Variants in SLC38A2 observed in about 807,000 individuals in gnomAD.
The protein encoded by SLC38A2 is solute carrier family 38 member 2, also known as sodium-coupled neutral amino acid symporter 2.
In SLC38A2, 11 loss-of-function variants were observed where a neutral mutation model predicts 61.5. The ratio of observed to expected loss-of-function variants is 0.18; its 90% confidence interval spans 0.11 to 0.30. The LOEUF (loss-of-function observed/expected upper bound fraction) is 0.30. Among genes scored for constraint, SLC38A2 ranks in the 10% least tolerant of loss-of-function variants. SLC38A2 has a pLI of 1.00. For missense variants in SLC38A2, 522 were observed against 600.4 expected (o/e 0.87, Z 1.36); for synonymous variants, 217 against 212.5 (o/e 1.02, Z -0.18).
rs932482588 is a variant in SLC38A2 at position 46,371,000 on chromosome 12, G to A, written c.117-143C>T. 3 of 833,256 alleles carry A rather than the reference G, an allele frequency of 3.6e-6. No individual in the cohort carries two copies. In the African/African-American group the frequency reaches 5.2e-5, roughly 14 times the overall value. 51.6% of individuals were successfully genotyped at this position (833,256 alleles called of 1,614,324 possible). A position where few individuals can be genotyped will look rare whatever the true frequency, so the allele number is the denominator to read the frequency against. ...CTTAATGTATAAATATTAACTAGGA[G>A]TTGACTTTCACACCAGCTATCTTGT... On this transcript the variant is annotated intron_variant, in intron 2 of 15. Coordinates refer to ENST00000256689, the MANE Select transcript of SLC38A2 (RefSeq NM_018976.5).
At chr12:46,362,835 G>T in intron 13 of SLC38A2, 186 bp downstream of exon 13, 1 of 952,584 alleles carries the variant, frequency 1.0e-6, no homozygotes, top group Non-Finnish European at 1.5e-6. Flanking sequence ...TATATCTTAT[G>T]GTGAAAAAAA....
At position 46,363,759 on chromosome 12, in the gene SLC38A2, G is replaced by A. The variant is rs1365277586; in HGVS notation, c.1021C>T (p.Leu341Phe). The change falls in exon 12 of 16, where the codon CTT (leucine) becomes TTT (phenylalanine). Residue 341 changes from leucine to phenylalanine, a missense_variant. Physicochemically the swap from Leu to Phe is conservative, Grantham distance 22 (BLOSUM62 0). Around this residue, in one of 3 missense-constraint regions of SLC38A2, gnomAD observed 309 missense variants for 343.9 expected, o/e 0.90. Coordinates refer to ENST00000256689, the MANE Select transcript of SLC38A2 (RefSeq NM_018976.5). Reference protein sequence around the residue: ...SFFAMFLMYLLAALFGYLTFY... With the variant: ...SFFAMFLMYLFAALFGYLTFY... ...GTTAGGTATCCAAAGAGGGCGGCAA[G>A]CAGATACATGAGAAACATAGCAAAA... 49 of 1,593,894 alleles carry A rather than the reference G, an allele frequency of 3.1e-5. No homozygotes were observed. Among genetic ancestry groups the A allele is most frequent in the Non-Finnish European group, 4.1e-5 (48 of 1,173,848 alleles).
Position 46,364,992 on chromosome 12 carries a change from G to A in SLC38A2, c.646+115C>T, listed in dbSNP as rs1592204339. On this transcript the variant is annotated intron_variant, in intron 8 of 15. Coordinates refer to ENST00000256689, the MANE Select transcript of SLC38A2 (RefSeq NM_018976.5). ...AATTTTGCATGCTGTAAGTCCCAAA[G>A]ATATACCTTTCTACTTTCTAGGGCT... 3 of 1,010,370 alleles carry A rather than the reference G, an allele frequency of 3.0e-6. 1 individual carries two copies. The allele number at this position is 1,010,370 out of a possible 1,614,324, so 62.6% of individuals were successfully genotyped here. A position where few individuals can be genotyped will look rare whatever the true frequency, so the allele number is the denominator to read the frequency against.
Position 46,364,482 on chromosome 12 carries a change from G to A in SLC38A2, c.780C>T (p.Thr260=). Residue 260 remains threonine, a synonymous_variant, in exon 10 of 16, where the codon ACC becomes ACT. Transcript: ENST00000256689. ...GTACAAGAGCTGTTGGCTGTGTTAA[G>A]GTGGTGTTTATTGTTTCGTTAATTA... ...ALIINETINT[T]LTQPTALVPA... is the part of the protein sequence containing the mutation. 1 of 1,612,966 alleles carries A rather than the reference G, an allele frequency of 6.2e-7. No individual in the cohort carries two copies. The highest frequency in any genetic ancestry group is 8.5e-7 in the Non-Finnish European group (1 of 1,179,410).
intron 1 of SLC38A2, chr12:46,372,188 T>G (rs79925032): frequency 7.8e-5 from 12 of 153,084 alleles, no homozygotes; most frequent in African/African-American, 2.9e-4. Flanking sequence ...TTTTTTTTTT[T>G]ATTAAATGCA....
Position 46,371,340 on chromosome 12 carries a change from T to C in SLC38A2, c.-47A>G. 1 of 1,511,382 alleles carries C rather than the reference T, an allele frequency of 6.6e-7. No homozygotes were observed. The highest frequency in any genetic ancestry group is 9.2e-7 in the Non-Finnish European group (1 of 1,088,000). 93.6% of individuals were successfully genotyped at this position (1,511,382 alleles called of 1,614,324 possible). A position where few individuals can be genotyped will look rare whatever the true frequency, so the allele number is the denominator to read the frequency against. On this transcript the variant is annotated 5_prime_UTR_variant, in exon 2 of 16. Transcript: ENST00000256689. ...GGTGCAGCTAGTAGCGCTGGGCTCCTTTTGTCCTTGGCGGTGGGTGCAGCG... is the reference window on the plus strand; with the variant it reads ...GGTGCAGCTAGTAGCGCTGGGCTCCCTTTGTCCTTGGCGGTGGGTGCAGCG...
At chr12:46,366,840 T>C (rs1214002176) in intron 7 of SLC38A2, 24 bp downstream of exon 7, 6 of 1,582,642 alleles carry the variant, frequency 3.8e-6, no homozygotes, top group Non-Finnish European at 5.1e-6. Flanking sequence ...TTGTTTCTTA[T>C]GAGTAACCTT....
intron 1 of SLC38A2, chr12:46,372,247 C>T (rs1156390817): frequency 1.2e-5 from 2 of 160,300 alleles, no homozygotes; most frequent in Non-Finnish European, 2.7e-5. Context: ...GGGCTAGCTC[C>T]CCTCCCCCTA....
chr12:46,365,003 C>T (rs1943124784), intron 8 of SLC38A2, 104 bp downstream of exon 8: 5 of 1,106,272 alleles, frequency 4.5e-6, no homozygotes, highest in South Asian at 1.4e-5. Flanking sequence ...ATATACCTTT[C>T]TACTTTCTAG....
chr12:46,366,680 T>C (rs1943141495), intron 7 of SLC38A2, among the ~76,000 whole-genome samples, 184 bp downstream of exon 7: 1 of 152,190 alleles, frequency 6.6e-6, no homozygotes, highest in South Asian at 2.1e-4. Flanking sequence ...CTAGCTACTA[T>C]CTTTCGGCCT....
chr12:46,367,048 C>T (rs371669214), intron 6 of SLC38A2, 28 bp downstream of exon 6: 2 of 1,609,502 alleles, frequency 1.2e-6, no homozygotes, highest in African/African-American at 1.3e-5. Flanking sequence ...ATAAAGTCTA[C>T]CCAAATAATC....
chr12:46,361,028 A>G lies in SLC38A2; in HGVS notation c.*83T>C. 9.6e-7 allele frequency: 1 copy of G among 1,046,512 alleles called. No homozygotes were observed. The highest frequency in any genetic ancestry group is 1.4e-6 in the Non-Finnish European group (1 of 697,458). 64.8% of individuals were successfully genotyped at this position (1,046,512 alleles called of 1,614,324 possible). A position where few individuals can be genotyped will look rare whatever the true frequency, so the allele number is the denominator to read the frequency against. Reference sequence around the variant, plus strand: ...GCACTTCAAAAGGAAGTGAAACTGAAAACATTAGGTGAAATTTCATAGTAG... The same window carrying G: ...GCACTTCAAAAGGAAGTGAAACTGAGAACATTAGGTGAAATTTCATAGTAG... On this transcript the variant is annotated 3_prime_UTR_variant, in exon 16 of 16. Transcript: ENST00000256689.
intron 15 of SLC38A2, 180 bp downstream of exon 15, chr12:46,362,104 C>T (rs1312937042): frequency 1.9e-6 from 1 of 535,582 alleles, no homozygotes; most frequent in Non-Finnish European, 3.2e-6. Context: ...CATTAGATGG[C>T]AAACTATCTT....
rs781621331 is a variant in SLC38A2 at position 46,364,706 on chromosome 12, TA to T, written c.647-5del. 13 of 1,604,408 alleles carry T rather than the reference TA, an allele frequency of 8.1e-6. No individual in the cohort carries two copies. Among genetic ancestry groups the T allele is most frequent in the African/African-American group, 1.3e-5 (1 of 74,130 alleles). On this transcript the variant is annotated splice_region_variant and splice_polypyrimidine_tract_variant and intron_variant, in intron 8 of 15. Coordinates refer to ENST00000256689, the MANE Select transcript of SLC38A2 (RefSeq NM_018976.5). Reference sequence around the variant, plus strand: ...CCACTGGTATATCCCAAATATCCTATAAGGAGGGGTGGCAGGAATCAGTATT... The same window carrying T: ...CCACTGGTATATCCCAAATATCCTATAGGAGGGGTGGCAGGAATCAGTATT...
intron 8 of SLC38A2, 114 bp from the exon 9 acceptor site, chr12:46,364,816 A>ATG: frequency 5.3e-6 from 5 of 942,604 alleles, no homozygotes; most frequent in Non-Finnish European, 8.2e-6. Context: ...GCACTAAAGT[A>ATG]TGTGTATAGC....
rs1943187334 is a variant in SLC38A2 at position 46,370,813 on chromosome 12, T to C, written c.161A>G (p.Glu54Gly). Reference protein sequence around the residue: ...VDPENQNFLLESNLGKKKYET... With the variant: ...VDPENQNFLLGSNLGKKKYET... ...ATACTTCTTCTTCCCCAAATTCGATTCAAGTAAAAAGTTCTGGTTTTCAGG... is the reference window on the plus strand; with the variant it reads ...ATACTTCTTCTTCCCCAAATTCGATCCAAGTAAAAAGTTCTGGTTTTCAGG... The change falls in exon 3 of 16, where the codon GAA becomes GGA. Residue 54 changes from glutamate (E) to glycine (G), a missense_variant. Glu to Gly is a moderately conservative substitution (Grantham distance 98, BLOSUM62 -2). Transcript: ENST00000256689. The C allele has an allele frequency of 6.2e-7, 1 of 1,612,772 alleles. No homozygotes were observed. The highest frequency in any genetic ancestry group is 2.2e-5 in the East Asian group (1 of 44,858).
chr12:46,363,586 T>C, intron 12 of SLC38A2, 140 bp downstream of exon 12: 4 of 530,238 alleles, frequency 7.5e-6, no homozygotes, highest in Non-Finnish European at 1.3e-5. Context: ...CTAAATTTAA[T>C]TTCTCATCAC....
Position 46,372,560 on chromosome 12 carries a change from A to G in SLC38A2, c.-138T>C. 5.1e-6 allele frequency: 2 copies of G among 393,866 alleles called. No homozygotes were observed. The highest frequency in any genetic ancestry group is 7.2e-5 in the East Asian group (2 of 27,838). The allele number at this position is 393,866 out of a possible 1,614,324, so 24.4% of individuals were successfully genotyped here. On this transcript the variant is annotated 5_prime_UTR_variant, in exon 1 of 16. An upstream open reading frame in the 5' UTR loses its in-frame stop. Transcript: ENST00000256689. The stretch of plus-strand genomic sequence containing the variant: ...CGTCTTCAGTGGGTTTCTCTCAGTC[A>G]AATACAAATCATAAAAAACAAACAA...
chr12:46,370,803 C>G lies in SLC38A2; in HGVS notation c.171G>C (p.Leu57Phe), dbSNP rs1300257020. ...ATTCTGTTTCATACTTCTTCTTCCC[C>G]AAATTCGATTCAAGTAAAAAGTTCT... is the stretch of plus-strand genomic sequence containing the variant. ...ENQNFLLESN[L>F]GKKKYETEFH... Residue 57 changes from leucine to phenylalanine, a missense_variant, in exon 3 of 16, where the codon TTG becomes TTC. Coordinates refer to ENST00000256689, the MANE Select transcript of SLC38A2 (RefSeq NM_018976.5). 8 of 1,612,904 alleles carry G rather than the reference C, an allele frequency of 5.0e-6. No individual in the cohort carries two copies. The Admixed American group carries it at 5.0e-5, about 10-fold the overall frequency.
Sources: gnomAD v4.1 joint callset for allele counts (sites outside exome capture counted in the v4.1 genomes callset) on GRCh38, gnomAD v4.1.1 for gene constraint, gnomAD v4.1.1 regional missense constraint, MANE v1.5 for transcripts, NCBI Gene and HGNC (gene_info 2026-07-23, HGNC 2026-07-21) for gene names.